PRPSAP2: variants seen among roughly 807,000 people sequenced by gnomAD.
PRPSAP2 encodes phosphoribosyl pyrophosphate synthase-associated protein 2.
Under a neutral mutation model 40.6 loss-of-function variants are expected in PRPSAP2, and 24 were observed. The observed-to-expected ratio is 0.59, with a 90% CI of 0.43 to 0.83. The LOEUF (loss-of-function observed/expected upper bound fraction) is 0.83, where lower values mean the gene tolerates loss of function less well. Among genes scored for constraint, PRPSAP2 ranks in the 40% least tolerant of loss-of-function variants. PRPSAP2 has a pLI of 0.00. For missense variants in PRPSAP2, 292 were observed against 465.6 expected, an observed-to-expected ratio of 0.63 and a Z score of 3.43; for synonymous variants, 149 against 164.7, an observed-to-expected ratio of 0.90 and a Z score of 0.73.
chr17:18,869,842 T>TTTGTG (rs1555548063), intron 4 of PRPSAP2, among the ~76,000 whole-genome samples: 2 of 139,260 alleles, frequency 1.4e-5, no homozygotes, highest in African/African-American at 5.5e-5. Flanking sequence ...TACTTTTTTT[T>TTTGTG]TGTGTGTGTG....
At chr17:18,924,988 C>T (rs1244732834) in intron 10 of PRPSAP2, among the ~76,000 whole-genome samples, 1 of 151,932 alleles carries the variant, frequency 6.6e-6, no homozygotes, top group Non-Finnish European at 1.5e-5. Context: ...GACATGTTGG[C>T]GCACACCTGT....
chr17:18,924,069 A>G (rs932107820), intron 10 of PRPSAP2, 85 bp downstream of exon 10: 94 of 1,359,946 alleles, frequency 6.9e-5, no homozygotes, highest in Admixed American at 3.5e-4. Flanking sequence ...TATTACAGAG[A>G]CTCACTGTCG....
rs1351254949 is a variant in PRPSAP2, at chr17:18,893,821, C to G, written c.584+3944C>G. Among the ~76,000 whole-genome samples the G allele has an allele frequency of 3.3e-5, 5 of 152,150 alleles. No individual in the cohort carries two copies. The East Asian group carries it at 7.7e-4, about 23-fold the overall frequency. On this transcript the variant is annotated intron_variant, in intron 8 of 11. Coordinates refer to ENST00000268835, the MANE Select transcript of PRPSAP2 (RefSeq NM_002767.4). ...AGTGATCTTGACCTCAAATGATCAT[C>G]CCAAAGTATTGGGATTACAGGCATG...
chr17:18,920,590 A>C (rs962581336), intron 9 of PRPSAP2, among the ~76,000 whole-genome samples: 4 of 152,194 alleles, frequency 2.6e-5, no homozygotes, highest in Non-Finnish European at 4.4e-5. Flanking sequence ...ACTAGCAAAT[A>C]ATATATGAAG....
intron 9 of PRPSAP2, among the ~76,000 whole-genome samples, chr17:18,920,027 G>T (rs531621526): frequency 1.3e-5 from 2 of 152,148 alleles, no homozygotes; most frequent in Non-Finnish European, 2.9e-5. Flanking sequence ...TGTTGGTGCT[G>T]GGGGGTAGGC....
intron 5 of PRPSAP2, among the ~76,000 whole-genome samples, chr17:18,875,262 A>C (rs2038193684): frequency 6.6e-6 from 1 of 152,092 alleles, no homozygotes; most frequent in South Asian, 2.1e-4. Context: ...AAATACCATG[A>C]AATAACATTT....
At chr17:18,890,081 C>T (rs1034106380) in intron 8 of PRPSAP2, among the ~76,000 whole-genome samples, 3 of 151,898 alleles carry the variant, frequency 2.0e-5, no homozygotes, top group Admixed American at 6.6e-5. Flanking sequence ...TCCAATCCCA[C>T]TCTATGATTG....
intron 7 of PRPSAP2, among the ~76,000 whole-genome samples, chr17:18,886,245 G>A (rs1208744204): frequency 1.3e-5 from 2 of 152,080 alleles, no homozygotes; most frequent in African/African-American, 4.8e-5. Context: ...TTTTGATGCT[G>A]ACGCTTTCTC....
intron 9 of PRPSAP2, among the ~76,000 whole-genome samples, chr17:18,922,248 T>C (rs1485627704): frequency 6.6e-6 from 1 of 152,250 alleles, no homozygotes; most frequent in African/African-American, 2.4e-5. Context: ...GCTCTGTATA[T>C]TCATGTATGA....
At chr17:18,876,907 A>G (rs953289777) in intron 5 of PRPSAP2, among the ~76,000 whole-genome samples, 2 of 152,220 alleles carry the variant, frequency 1.3e-5, no homozygotes, top group African/African-American at 2.4e-5. Context: ...GTGGCCAGGC[A>G]GGAGGGGAGG....
chr17:18,910,693 T>G (rs1638811081), intron 8 of PRPSAP2, among the ~76,000 whole-genome samples: 1 of 152,220 alleles, frequency 6.6e-6, no homozygotes. Flanking sequence ...TTTACCTCCC[T>G]AAAACTATTA....
At chr17:18,865,761 A>G (rs970427646) in intron 2 of PRPSAP2, 41 bp from the exon 3 acceptor site, 66 of 1,250,922 alleles carry the variant, frequency 5.3e-5, no homozygotes, top group Non-Finnish European at 6.6e-5. Flanking sequence ...GGTATATTTC[A>G]TATCATATGG....
At chr17:18,907,996 G>A (rs1008667595) in intron 8 of PRPSAP2, among the ~76,000 whole-genome samples, 3 of 151,970 alleles carry the variant, frequency 2.0e-5, no homozygotes, top group African/African-American at 7.3e-5. Context: ...AAAATTAGCC[G>A]AGCGTGGTGG....
chr17:18,869,836 T>TGTGTGTGTGTGTGTGTGTGTG (rs2037717587), intron 4 of PRPSAP2, among the ~76,000 whole-genome samples: 1 of 141,264 alleles, frequency 7.1e-6, no homozygotes, highest in African/African-American at 2.8e-5. Context: ...TTTTGCTACT[T>TGTGTGTGTGTGTGTGTGTGTG]TTTTTTTGTG....
At chr17:18,893,497 G>A (rs1390143028) in intron 8 of PRPSAP2, among the ~76,000 whole-genome samples, 1 of 151,866 alleles carries the variant, frequency 6.6e-6, no homozygotes, top group African/African-American at 2.4e-5. Flanking sequence ...GCTCACTTCT[G>A]TAATCTCAGC....
At chr17:18,901,072 T>C (rs11078421) in intron 8 of PRPSAP2, among the ~76,000 whole-genome samples, 65,487 of 152,088 alleles carry the variant, frequency 0.43, 14,336 homozygotes, top group Middle Eastern at 0.5. Context: ...CCTCAACCTT[T>C]ACTCATGCGG....
chr17:18,894,345 G>A (rs1312453170), intron 8 of PRPSAP2, among the ~76,000 whole-genome samples: 1 of 152,092 alleles, frequency 6.6e-6, no homozygotes, highest in African/African-American at 2.4e-5. Flanking sequence ...TTTTAGTAGA[G>A]ATGGGGTTTC....
At chr17:18,920,179 C>T (rs2041615922) in intron 9 of PRPSAP2, among the ~76,000 whole-genome samples, 1 of 152,162 alleles carries the variant, frequency 6.6e-6, no homozygotes, top group Non-Finnish European at 1.5e-5. Flanking sequence ...ATATATGTTC[C>T]TCTTCAGTCC....
chr17:18,859,696 CAG>C (rs1398637229), intron 1 of PRPSAP2: 6 of 152,198 alleles, frequency 3.9e-5, no homozygotes, highest in Non-Finnish European at 8.8e-5. Context: ...ATATTAAAAA[CAG>C]ATTTCCTTGG....
Sources: gnomAD v4.1 joint callset for allele counts (sites outside exome capture counted in the v4.1 genomes callset) on GRCh38, gnomAD v4.1.1 for gene constraint, MANE v1.5 for transcripts, NCBI Gene and HGNC (gene_info 2026-07-23, HGNC 2026-07-21) for gene names.